The following RHBDD1 variants were observed in gnomAD, a reference collection of about 807,000 sequenced individuals.
RHBDD1 encodes rhomboid domain containing 1, also known as rhomboid-related protein 4.
A neutral mutation model predicts 36.3 loss-of-function variants in RHBDD1; 38 were observed. That is an observed-to-expected ratio of 1.05 (90% CI 0.81 to 1.37). The LOEUF (loss-of-function observed/expected upper bound fraction) is 1.37, where lower values mean the gene tolerates loss of function less well. Ranked by LOEUF, RHBDD1 falls within the 40% of genes most tolerant of loss-of-function variation. The probability of loss-of-function intolerance (pLI) is 0.00; values close to 1 mark genes in which losing one functional copy is unlikely to be tolerated. For missense variants in RHBDD1, 393 were observed against 377.6 expected (o/e 1.04, Z -0.34); for synonymous variants, 151 against 136.5 (o/e 1.11, Z -0.74).
intron 5 of RHBDD1, among the ~76,000 whole-genome samples, chr2:226,903,122 C>A (rs1947732767): frequency 6.6e-6 from 1 of 152,056 alleles, no homozygotes; most frequent in Admixed American, 6.6e-5. Context: ...TCTCAAACTG[C>A]CACTTTCTTT....
intron 8 of RHBDD1, among the ~76,000 whole-genome samples, chr2:226,945,145 G>GATTATTATTATT (rs60027437): frequency 0.073 from 10,585 of 144,704 alleles, 443 homozygotes; most frequent in South Asian, 0.12. Flanking sequence ...GATCAAATCT[G>GATTATTATTATT]ATTATTATTA....
intron 3 of RHBDD1, among the ~76,000 whole-genome samples, chr2:226,846,634 C>T (rs921392292): frequency 1.3e-5 from 2 of 151,432 alleles, no homozygotes; most frequent in African/African-American, 4.9e-5. Context: ...GTCCCAGCTA[C>T]TCAGGAGGCT....
At chr2:226,926,064 T>C (rs1259815784) in intron 8 of RHBDD1, among the ~76,000 whole-genome samples, 2 of 152,184 alleles carry the variant, frequency 1.3e-5, no homozygotes, top group Non-Finnish European at 2.9e-5. Context: ...CTCTAAATCC[T>C]TCAATGTGTA....
intron 5 of RHBDD1, 49 bp downstream of exon 5, chr2:226,867,367 G>T: frequency 1.3e-6 from 2 of 1,560,806 alleles, no homozygotes; most frequent in South Asian, 1.2e-5. Context: ...GATGTTCTGT[G>T]GAGAAAAAAA....
In RHBDD1 at chr2:226,995,888, A is replaced by G. The variant is rs1959191146; in HGVS notation, c.*366A>G. 4.8e-6 allele frequency: 1 copy of G among 208,526 alleles called. No homozygotes were observed. Among genetic ancestry groups the G allele is most frequent in the Non-Finnish European group, 9.5e-6 (1 of 105,134 alleles). 12.9% of individuals were successfully genotyped at this position (208,526 alleles called of 1,614,324 possible). A position where few individuals can be genotyped will look rare whatever the true frequency, so the allele number is the denominator to read the frequency against. On this transcript the variant is annotated 3_prime_UTR_variant, in exon 9 of 9. Transcript: ENST00000392062. ...CACCAGTCGGGAAGATTAGTCCCTC[A>G]TTCTGCCTGGAGTGCCCCGTGTTTG...
At chr2:226,975,336 C>T (rs750192446) in intron 8 of RHBDD1, among the ~76,000 whole-genome samples, 1 of 152,120 alleles carries the variant, frequency 6.6e-6, no homozygotes, top group Admixed American at 6.5e-5. Context: ...TCACGTTGTA[C>T]ACCTTAAACT....
intron 5 of RHBDD1, 132 bp downstream of exon 5, chr2:226,867,450 G>A: frequency 8.3e-7 from 1 of 1,204,770 alleles, no homozygotes; most frequent in Admixed American, 2.7e-5. Context: ...ACAGAATCAA[G>A]CTTAATAGTT....
Position 226,943,023 on chromosome 2 carries a change from G to C in RHBDD1, c.856+28672G>C, listed in dbSNP as rs189828393. Among the ~76,000 whole-genome samples the C allele has an allele frequency of 1.5e-3, 223 of 152,272 alleles. 1 individual carries two copies. Among genetic ancestry groups the C allele is most frequent in the African/African-American group, 4.7e-3 (197 of 41,544 alleles). ...CCCATTCTCCCATCCATTATATTGTGTTGTGTTGCTGGTGAGAAAAACCAA... is the reference window on the plus strand; with the variant it reads ...CCCATTCTCCCATCCATTATATTGTCTTGTGTTGCTGGTGAGAAAAACCAA... On this transcript the variant is annotated intron_variant, in intron 8 of 8. Transcript: ENST00000392062.
Position 226,996,079 on chromosome 2 carries a change from C to T in RHBDD1, c.*557C>T. On this transcript the variant is annotated 3_prime_UTR_variant, in exon 9 of 9. Coordinates refer to ENST00000392062, the MANE Select transcript of RHBDD1 (RefSeq NM_001167608.3). ...GGCCCCTGCGTCTGGCTGGTGTTTGCAGGGCTTTCGCTCTGCTCTGGTATT... is the reference window on the plus strand; with the variant it reads ...GGCCCCTGCGTCTGGCTGGTGTTTGTAGGGCTTTCGCTCTGCTCTGGTATT... 6.4e-6 allele frequency: 1 copy of T among 157,208 alleles called. No individual in the cohort carries two copies. Among genetic ancestry groups the T allele is most frequent in the Non-Finnish European group, 1.4e-5 (1 of 71,632 alleles). 9.7% of individuals were successfully genotyped at this position (157,208 alleles called of 1,614,324 possible).
intron 5 of RHBDD1, among the ~76,000 whole-genome samples, chr2:226,891,976 A>G (rs938818214): frequency 6.6e-5 from 10 of 152,128 alleles, no homozygotes; most frequent in Non-Finnish European, 1.2e-4. Flanking sequence ...CTGAGGGACT[A>G]TCTGCACCTC....
the RHBDD1 span, among the ~76,000 whole-genome samples, chr2:226,830,013 T>C: frequency 6.6e-6 from 1 of 152,048 alleles, no homozygotes; most frequent in South Asian, 2.1e-4. Context: ...TATTACTAGA[T>C]TGAGGGAGTT....
At chr2:226,959,891 C>T (rs1185904204) in intron 8 of RHBDD1, among the ~76,000 whole-genome samples, 6 of 151,944 alleles carry the variant, frequency 3.9e-5, no homozygotes, top group Non-Finnish European at 7.4e-5. Flanking sequence ...GGCGCGATCT[C>T]GGCTCACTGC....
At chr2:226,962,989 T>C (rs1952328482) in intron 8 of RHBDD1, among the ~76,000 whole-genome samples, 1 of 152,152 alleles carries the variant, frequency 6.6e-6, no homozygotes, top group Non-Finnish European at 1.5e-5. Context: ...ATTCCTTGAT[T>C]CCTTGTCGAG....
At chr2:226,861,008 G>A (rs984129208) in intron 3 of RHBDD1, among the ~76,000 whole-genome samples, 6 of 152,168 alleles carry the variant, frequency 3.9e-5, no homozygotes, top group African/African-American at 1.4e-4. Flanking sequence ...CATGCATATG[G>A]CACTTGATAC....
At chr2:226,915,083 T>C (rs1045238304) in intron 8 of RHBDD1, among the ~76,000 whole-genome samples, 6 of 152,068 alleles carry the variant, frequency 3.9e-5, no homozygotes, top group African/African-American at 1.4e-4. Flanking sequence ...AAGTTAACAA[T>C]CTGTGTTTGG....
chr2:226,836,531 A>G (rs1361981874), intron 1 of RHBDD1, among the ~76,000 whole-genome samples: 1 of 152,232 alleles, frequency 6.6e-6, no homozygotes, highest in East Asian at 1.9e-4. Flanking sequence ...CGCAGTAATA[A>G]CTTTTATTAG....
intron 3 of RHBDD1, 88 bp from the exon 4 acceptor site, chr2:226,864,516 C>T: frequency 6.8e-6 from 4 of 589,418 alleles, no homozygotes; most frequent in Non-Finnish European, 1.2e-5. Context: ...GTAGCATTTG[C>T]CTCATGGGAG....
intron 3 of RHBDD1, among the ~76,000 whole-genome samples, chr2:226,848,158 A>G (rs764802432): frequency 1.3e-4 from 20 of 152,230 alleles, no homozygotes; most frequent in Non-Finnish European, 2.5e-4. Context: ...ACAATTACCA[A>G]AAGAAGTTCG....
At chr2:226,831,631 C>T (rs1251692571), upstream of RHBDD1, among the ~76,000 whole-genome samples, 1 of 152,188 alleles carries the variant, frequency 6.6e-6, no homozygotes, top group Non-Finnish European at 1.5e-5. Flanking sequence ...CCTGCCAACA[C>T]TTTGATCGAG....
Sources: allele counts gnomAD v4.1 joint callset (sites outside exome capture counted in the v4.1 genomes callset), GRCh38; gene constraint gnomAD v4.1.1; transcripts MANE v1.5; gene names NCBI Gene and HGNC (gene_info 2026-07-23, HGNC 2026-07-21).